FRMD3: variants seen among roughly 807,000 people sequenced by gnomAD.
FRMD3 encodes the protein FERM domain-containing protein 3.
In FRMD3, 33 loss-of-function variants were observed where a neutral mutation model predicts 70.2. That is an observed-to-expected ratio of 0.47 (90% CI 0.36 to 0.63). The LOEUF is 0.63. FRMD3 is among the 20% of genes least tolerant of loss of function. The probability of loss-of-function intolerance (pLI) is 0.00; values close to 1 mark genes in which losing one functional copy is unlikely to be tolerated. For missense variants in FRMD3, 632 were observed against 711.4 expected (o/e 0.89, Z 1.27); for synonymous variants, 279 against 255.9 (o/e 1.09, Z -0.86).
intron 1 of FRMD3, among the ~76,000 whole-genome samples, chr9:83,430,253 C>T (rs955871170): frequency 1.3e-5 from 2 of 152,274 alleles, no homozygotes; most frequent in Non-Finnish European, 2.9e-5. Flanking sequence ...TCCTAAAACA[C>T]AACCCTTGTC....
At chr9:83,446,361 C>T (rs1195359031) in intron 1 of FRMD3, among the ~76,000 whole-genome samples, 1 of 152,132 alleles carries the variant, frequency 6.6e-6, no homozygotes. Flanking sequence ...ATGAAAACCT[C>T]TGTTGGCCGG....
intron 1 of FRMD3, among the ~76,000 whole-genome samples, chr9:83,465,948 A>G (rs1337877470): frequency 6.6e-6 from 1 of 152,236 alleles, no homozygotes. Flanking sequence ...GCAAGGACCC[A>G]TCTACTTAGA....
chr9:83,526,385 A>G (rs923184958), intron 1 of FRMD3, among the ~76,000 whole-genome samples: 1 of 152,206 alleles, frequency 6.6e-6, no homozygotes, highest in Non-Finnish European at 1.5e-5. Flanking sequence ...AACCATGTGG[A>G]ACTCATCCCA....
chr9:83,381,053 C>T (rs1825336854), intron 2 of FRMD3, among the ~76,000 whole-genome samples: 1 of 152,074 alleles, frequency 6.6e-6, no homozygotes, highest in Non-Finnish European at 1.5e-5. Context: ...CTGGCCTCTT[C>T]TGGGGAAAAA....
intron 3 of FRMD3, among the ~76,000 whole-genome samples, chr9:83,356,634 T>C (rs531292245): frequency 1.3e-5 from 2 of 152,062 alleles, no homozygotes; most frequent in South Asian, 4.1e-4. Context: ...TAAAGAATCA[T>C]GGGGAAATCA....
rs4014025 is a variant in FRMD3, at chr9:83,488,972, T to TTGTGTGTGTGTGTGTGTGTG, written c.147+49093_147+49112dup. ...AGCTGGAGCTTAGCCCCCTATACCT[T>TTGTGTGTGTGTGTGTGTGTG]TGTGTGTGTGTGTGTGTGTGTGTGT... On this transcript the variant is annotated intron_variant, in intron 1 of 13. Transcript: ENST00000304195. 1.4e-3 allele frequency among the ~76,000 whole-genome samples: 184 copies of TTGTGTGTGTGTGTGTGTGTG among 135,618 alleles called. 3 individuals are homozygous for TTGTGTGTGTGTGTGTGTGTG. Among genetic ancestry groups the TTGTGTGTGTGTGTGTGTGTG allele is most frequent in the Admixed American group, 4.7e-3 (63 of 13,276 alleles). The allele number at this position is 135,618 out of a possible 152,430, so 89.0% of individuals were successfully genotyped here.
At chr9:83,372,584 C>T (rs72743096) in intron 3 of FRMD3, among the ~76,000 whole-genome samples, 26,109 of 151,942 alleles carry the variant, frequency 0.17, 2,447 homozygotes, top group African/African-American at 0.23. Context: ...TAACCAGCAA[C>T]CCTCATAATC....
chr9:83,380,094 A>ACCATGG (rs1825310201), intron 2 of FRMD3, among the ~76,000 whole-genome samples: 1 of 152,106 alleles, frequency 6.6e-6, no homozygotes, highest in African/African-American at 2.4e-5. Flanking sequence ...CTCTCCACTA[A>ACCATGG]AAGCTGTCTT....
intron 5 of FRMD3, among the ~76,000 whole-genome samples, chr9:83,338,999 G>C (rs932611540): frequency 2.0e-5 from 3 of 152,164 alleles, no homozygotes; most frequent in African/African-American, 4.8e-5. Flanking sequence ...ATTTCCAAAG[G>C]TGATGGGACA....
intron 1 of FRMD3, among the ~76,000 whole-genome samples, chr9:83,465,197 G>A (rs916619816): frequency 6.6e-6 from 1 of 152,060 alleles, no homozygotes; most frequent in Non-Finnish European, 1.5e-5. Flanking sequence ...ACACAGAGAT[G>A]AACCATATTT....
At chr9:83,386,310 T>TAACAGC (rs1456225267) in intron 2 of FRMD3, among the ~76,000 whole-genome samples, 2 of 152,174 alleles carry the variant, frequency 1.3e-5, no homozygotes, top group Non-Finnish European at 2.9e-5. Context: ...CAAAAGGCTA[T>TAACAGC]AACAGCTGTA....
chr9:83,339,948 GA>G (rs1476668857), intron 5 of FRMD3, among the ~76,000 whole-genome samples: 1 of 152,114 alleles, frequency 6.6e-6, no homozygotes, highest in Non-Finnish European at 1.5e-5. Context: ...GTCATTTAAC[GA>G]AATGTTAAAT....
chr9:83,283,039 G>A (rs1301153647), intron 13 of FRMD3, among the ~76,000 whole-genome samples: 1 of 151,966 alleles, frequency 6.6e-6, no homozygotes, highest in East Asian at 1.9e-4. Context: ...ACAAAAAAAA[G>A]AAAAAGAAAA....
chr9:83,319,165 C>T (rs1395368806), intron 6 of FRMD3, among the ~76,000 whole-genome samples: 2 of 151,990 alleles, frequency 1.3e-5, no homozygotes, highest in Admixed American at 6.6e-5. Context: ...TCTCATTTGC[C>T]TATTTTTGTT....
At chr9:83,431,394 T>C (rs1377815900) in intron 1 of FRMD3, among the ~76,000 whole-genome samples, 2 of 152,222 alleles carry the variant, frequency 1.3e-5, no homozygotes, top group Non-Finnish European at 1.5e-5. Context: ...CCCTCCAAAA[T>C]CATCTTTGTT....
intron 13 of FRMD3, among the ~76,000 whole-genome samples, chr9:83,265,924 T>C (rs1487689417): frequency 6.6e-6 from 1 of 152,196 alleles, no homozygotes; most frequent in Non-Finnish European, 1.5e-5. Context: ...TGCAGTACCA[T>C]CTGTTACAGC....
At chr9:83,293,667 C>T (rs2118991595) in intron 12 of FRMD3, among the ~76,000 whole-genome samples, 1 of 152,344 alleles carries the variant, frequency 6.6e-6, no homozygotes, top group South Asian at 2.1e-4. Context: ...CAGGTATGAG[C>T]CTGCCTTGGC....
intron 13 of FRMD3, among the ~76,000 whole-genome samples, chr9:83,272,275 C>T (rs960928851): frequency 1.3e-5 from 2 of 151,550 alleles, no homozygotes; most frequent in African/African-American, 4.9e-5. Context: ...GACTGGTTTT[C>T]GTTTTTTTTT....
intron 1 of FRMD3, among the ~76,000 whole-genome samples, chr9:83,450,506 A>G (rs1827623994): frequency 6.6e-6 from 1 of 152,070 alleles, no homozygotes; most frequent in Non-Finnish European, 1.5e-5. Flanking sequence ...CAGTTTTTAC[A>G]TCTGTTTTTA....
Sources: gnomAD v4.1 joint callset for allele counts (sites outside exome capture counted in the v4.1 genomes callset) on GRCh38, gnomAD v4.1.1 for gene constraint, MANE v1.5 for transcripts, NCBI Gene and HGNC (gene_info 2026-07-23, HGNC 2026-07-21) for gene names.